Variants in CSMD1 observed in about 807,000 individuals in gnomAD.
CSMD1 encodes the protein CUB and Sushi multiple domains 1.
A neutral mutation model predicts 417.5 loss-of-function variants in CSMD1; 213 were observed. The ratio of observed to expected loss-of-function variants is 0.51; its 90% CI spans 0.46 to 0.57. CSMD1 has a LOEUF of 0.57. CSMD1 is among the 20% of genes least tolerant of loss of function. CSMD1 has a pLI of 0.00. For missense variants in CSMD1, 6,923 were observed against 4,529.7 expected (o/e 1.53, Z -15.17); for synonymous variants, 2,862 against 1,736.8 (o/e 1.65, Z -16.11).
intron 2 of CSMD1, among the ~76,000 whole-genome samples, chr8:4,495,675 T>C (rs1432393928): frequency 2.0e-5 from 3 of 152,126 alleles, no homozygotes; most frequent in Non-Finnish European, 4.4e-5. Context: ...GTAAGTAAAA[T>C]ACTATCAAAT....
intron 11 of CSMD1, among the ~76,000 whole-genome samples, chr8:3,486,219 T>C (rs1182689583): frequency 1.3e-5 from 2 of 152,230 alleles, no homozygotes; most frequent in African/African-American, 2.4e-5. Flanking sequence ...ATGATAACTA[T>C]AGTAATACAA....
intron 2 of CSMD1, among the ~76,000 whole-genome samples, chr8:4,442,072 A>T (rs1168329676): frequency 6.6e-6 from 1 of 151,428 alleles, no homozygotes; most frequent in Non-Finnish European, 1.5e-5. Flanking sequence ...AAAACTGCTC[A>T]GAGTTTGAGT....
chr8:4,330,074 T>A (rs1799781621), intron 3 of CSMD1, among the ~76,000 whole-genome samples: 1 of 152,138 alleles, frequency 6.6e-6, no homozygotes, highest in African/African-American at 2.4e-5. Context: ...TCTCATATAT[T>A]TCTTTAGAGC....
In CSMD1 at chr8:4,923,448, G is replaced by T. The variant is rs376867136; in HGVS notation, c.85+70884C>A. On this transcript the variant is annotated intron_variant, in intron 1 of 69. Coordinates refer to ENST00000635120, the MANE Select transcript of CSMD1 (RefSeq NM_033225.6). ...GATGGATATACATTCTCCATGGTGT[G>T]CTTATTTCATATTACATGCCTGTGT... Among the ~76,000 whole-genome samples the T allele has an allele frequency of 6.6e-5, 10 of 152,192 alleles. No homozygotes were observed. In the East Asian group the frequency reaches 1.7e-3, roughly 26 times the overall value.
At chr8:3,834,883 CA>C (rs1179923862) in intron 5 of CSMD1, among the ~76,000 whole-genome samples, 2 of 151,932 alleles carry the variant, frequency 1.3e-5, no homozygotes, top group South Asian at 2.1e-4. Context: ...AAAAAACAAA[CA>C]ACCCCATCAA....
intron 30 of CSMD1, among the ~76,000 whole-genome samples, chr8:3,210,693 T>G (rs1797554473): frequency 6.7e-6 from 1 of 149,584 alleles, no homozygotes; most frequent in South Asian, 2.1e-4. Context: ...TATATGTATA[T>G]ACACTATATA....
At chr8:4,667,917 T>C (rs1268368313) in intron 1 of CSMD1, among the ~76,000 whole-genome samples, 1 of 152,250 alleles carries the variant, frequency 6.6e-6, no homozygotes, top group African/African-American at 2.4e-5. Flanking sequence ...AGTGGCCATC[T>C]TTGCCTGGTT....
chr8:4,064,486 A>G (rs1240712461), intron 3 of CSMD1, among the ~76,000 whole-genome samples: 1 of 152,216 alleles, frequency 6.6e-6, no homozygotes, highest in Non-Finnish European at 1.5e-5. Flanking sequence ...CTAGAGCTGC[A>G]TGTGCCTGCA....
intron 1 of CSMD1, among the ~76,000 whole-genome samples, chr8:4,741,841 T>C (rs1028314261): frequency 6.6e-6 from 1 of 151,834 alleles, no homozygotes; most frequent in Non-Finnish European, 1.5e-5. Flanking sequence ...TTGGGTGTTA[T>C]CCTTGTTTTT....
chr8:3,764,850 G>C (rs1418698590), intron 5 of CSMD1, among the ~76,000 whole-genome samples: 6 of 151,136 alleles, frequency 4.0e-5, no homozygotes, highest in African/African-American at 1.2e-4. Flanking sequence ...GGGTTCAAGG[G>C]ATTCTCATGC....
At chr8:4,355,032 G>T (rs547350091) in intron 3 of CSMD1, among the ~76,000 whole-genome samples, 275 of 152,058 alleles carry the variant, frequency 1.8e-3, no homozygotes, top group Non-Finnish European at 1.8e-3. Flanking sequence ...GGAGGCCGAG[G>T]CGGGCGGATG....
intron 5 of CSMD1, among the ~76,000 whole-genome samples, chr8:3,991,449 T>C (rs1253584352): frequency 1.3e-5 from 2 of 152,194 alleles, no homozygotes; most frequent in African/African-American, 2.4e-5. Context: ...AGCTTGTCAT[T>C]CATGTGTCCT....
intron 3 of CSMD1, among the ~76,000 whole-genome samples, chr8:4,278,820 T>C (rs1796627046): frequency 6.6e-6 from 1 of 152,178 alleles, no homozygotes; most frequent in Non-Finnish European, 1.5e-5. Flanking sequence ...ATTTGGCTCT[T>C]GGAGTATTTA....
intron 12 of CSMD1, among the ~76,000 whole-genome samples, chr8:3,436,284 T>A (rs568390000): frequency 6.6e-6 from 1 of 152,170 alleles, no homozygotes; most frequent in East Asian, 1.9e-4. Flanking sequence ...GTAAGATACA[T>A]CCCATATCAG....
intron 3 of CSMD1, among the ~76,000 whole-genome samples, chr8:4,212,536 T>C (rs981610082): frequency 1.3e-5 from 2 of 151,968 alleles, no homozygotes; most frequent in South Asian, 2.1e-4. Flanking sequence ...ATTTTGAAAT[T>C]TGTAGCCTTT....
intron 26 of CSMD1, among the ~76,000 whole-genome samples, chr8:3,248,640 C>G (rs916437566): frequency 2.0e-5 from 3 of 151,308 alleles, no homozygotes; most frequent in Admixed American, 2.0e-4. Context: ...CGCTCCCTCA[C>G]TCTTTTTACT....
intron 5 of CSMD1, among the ~76,000 whole-genome samples, chr8:3,792,103 G>A (rs1447588193): frequency 6.6e-6 from 1 of 152,084 alleles, no homozygotes; most frequent in African/African-American, 2.4e-5. Context: ...TCCTGAGCCT[G>A]GGCCAAATAG....
intron 1 of CSMD1, among the ~76,000 whole-genome samples, chr8:4,862,265 G>C (rs1006713777): frequency 6.6e-6 from 1 of 152,016 alleles, no homozygotes; most frequent in African/African-American, 2.4e-5. Flanking sequence ...GCTCACAGAG[G>C]TACTGGGAGC....
At chr8:3,510,057 G>A (rs1363890141) in intron 10 of CSMD1, among the ~76,000 whole-genome samples, 3 of 152,110 alleles carry the variant, frequency 2.0e-5, no homozygotes, top group South Asian at 2.1e-4. Flanking sequence ...GTGAAACACC[G>A]GTAAGGATAA....
Sources: gnomAD v4.1 joint callset for allele counts (sites outside exome capture counted in the v4.1 genomes callset) on GRCh38, gnomAD v4.1.1 for gene constraint, MANE v1.5 for transcripts, NCBI Gene and HGNC (gene_info 2026-07-23, HGNC 2026-07-21) for gene names.